SGIP1: variants seen among roughly 807,000 people sequenced by gnomAD.
SGIP1 encodes SH3-containing GRB2-like protein 3-interacting protein 1.
SGIP1 carries 38 observed loss-of-function variants against 107.5 expected under a neutral mutation model. That is an observed-to-expected ratio of 0.35 (90% CI 0.27 to 0.46). The LOEUF is 0.46. Ranked by LOEUF, SGIP1 falls within the 20% of genes least tolerant of loss-of-function variation. The pLI is 1.00. For synonymous variants in SGIP1, 365 were observed against 366.1 expected, an observed-to-expected ratio of 1.00 and a Z score of 0.03; for missense variants, 929 against 1,019.5, an observed-to-expected ratio of 0.91 and a Z score of 1.21.
chr1:66,534,057 C>A, upstream of SGIP1: 1 of 496,520 alleles, frequency 2.0e-6, no homozygotes, highest in Non-Finnish European at 3.6e-6. Context: ...TGCAGGCTGG[C>A]TACCATGTGA....
At chr1:66,557,213 G>A (rs1041838407) in intron 1 of SGIP1, among the ~76,000 whole-genome samples, 1 of 152,064 alleles carries the variant, frequency 6.6e-6, no homozygotes, top group African/African-American at 2.4e-5. Context: ...CCAATGTCAA[G>A]GGTGAACTCT....
At chr1:66,668,598 A>G (rs6703606) in intron 9 of SGIP1, among the ~76,000 whole-genome samples, 11,707 of 152,102 alleles carry the variant, frequency 0.077, 471 homozygotes, top group South Asian at 0.098. Flanking sequence ...TGAAGACAAC[A>G]CTCTCTGAAA....
chr1:66,576,600 A>T (rs1030114926), intron 1 of SGIP1, among the ~76,000 whole-genome samples: 1 of 152,186 alleles, frequency 6.6e-6, no homozygotes, highest in Non-Finnish European at 1.5e-5. Context: ...ATTAATACAT[A>T]TCTCAAGATC....
At position 66,706,346 on chromosome 1, in the gene SGIP1, TA is replaced by T. The variant is rs913084930; in HGVS notation, c.1630+10856del. Among the ~76,000 whole-genome samples, 102 of 145,378 alleles carry T rather than the reference TA, an allele frequency of 7.0e-4. 1 individual carries two copies. Among genetic ancestry groups the T allele is most frequent in the East Asian group, 4.5e-3 (23 of 5,062 alleles). On this transcript the variant is annotated intron_variant, in intron 18 of 24. Transcript: ENST00000371037. ...TATATATTATATAATATGTAAAATA[TA>T]AATAAATATTTATACTATAAAATAT... is the stretch of plus-strand genomic sequence containing the variant.
At chr1:66,630,065 G>T (rs983345119) in intron 2 of SGIP1, among the ~76,000 whole-genome samples, 3 of 152,106 alleles carry the variant, frequency 2.0e-5, no homozygotes, top group African/African-American at 7.2e-5. Context: ...ACTGGAGCCG[G>T]TGCCCTTAGC....
rs987723355 is a variant in SGIP1 at position 66,746,769 on chromosome 1, A to T, written c.*3674A>T. The stretch of plus-strand genomic sequence containing the variant: ...CGCCTTAATTGCTTTGTCCACCCTG[A>T]ACAAAACAATCTGTTTTATGTCACT... On this transcript the variant is annotated 3_prime_UTR_variant, in exon 25 of 25. Coordinates refer to ENST00000371037, the MANE Select transcript of SGIP1 (RefSeq NM_032291.4). 2.0e-5 allele frequency: 3 copies of T among 152,118 alleles called. No homozygotes were observed. The highest frequency in any genetic ancestry group is 7.2e-5 in the African/African-American group (3 of 41,450). The allele number at this position is 152,118 out of a possible 1,614,324, so 9.4% of individuals were successfully genotyped here.
At chr1:66,550,236 A>ATGGTTTATTTTTATGGTTTATTTTATTT in intron 1 of SGIP1, among the ~76,000 whole-genome samples, 1 of 151,994 alleles carries the variant, frequency 6.6e-6, no homozygotes, top group Non-Finnish European at 1.5e-5. Flanking sequence ...TTTATTTTTT[A>ATGGTTTATTTTTATGGTTTATTTTATTT]TATTGTCAGT....
In SGIP1 at chr1:66,746,882, A is replaced by G. The variant is rs1375972014; in HGVS notation, c.*3787A>G. The stretch of plus-strand genomic sequence containing the variant: ...ATAATTCCAATAACAAAACTGTCAA[A>G]AAAGAATCACTGCTTCTCAAAATAT... On this transcript the variant is annotated 3_prime_UTR_variant, in exon 25 of 25. Transcript: ENST00000371037. The G allele has an allele frequency of 6.6e-6, 1 of 152,116 alleles. No homozygotes were observed. Among genetic ancestry groups the G allele is most frequent in the Non-Finnish European group, 1.5e-5 (1 of 67,958 alleles). 9.4% of individuals were successfully genotyped at this position (152,116 alleles called of 1,614,324 possible). A position where few individuals can be genotyped will look rare whatever the true frequency, so the allele number is the denominator to read the frequency against.
At chr1:66,696,033 T>A (rs10493414) in intron 18 of SGIP1, among the ~76,000 whole-genome samples, 67,708 of 152,032 alleles carry the variant, frequency 0.45, 15,616 homozygotes, top group East Asian at 0.72. Context: ...AGTAAGTTTG[T>A]TCTGCGTCTC....
chr1:66,659,038 C>T (rs1047583000), intron 7 of SGIP1, among the ~76,000 whole-genome samples: 2 of 152,042 alleles, frequency 1.3e-5, no homozygotes, highest in Non-Finnish European at 2.9e-5. Context: ...AGAAAGCCAA[C>T]GGAGGACGAT....
At chr1:66,635,033 T>A (rs926530803) in intron 3 of SGIP1, among the ~76,000 whole-genome samples, 2 of 152,248 alleles carry the variant, frequency 1.3e-5, no homozygotes, top group African/African-American at 4.8e-5. Context: ...ATGTCAAGTG[T>A]TGAAATGTGT....
At chr1:66,674,381 T>C (rs1027246280) in intron 12 of SGIP1, among the ~76,000 whole-genome samples, 4 of 152,224 alleles carry the variant, frequency 2.6e-5, no homozygotes, top group Admixed American at 6.5e-5. Flanking sequence ...AATGTGTTTA[T>C]GTCTAATGCA....
At chr1:66,676,974 A>T (rs748154198) in intron 12 of SGIP1, 30 bp from the exon 13 acceptor site, 21 of 1,562,360 alleles carry the variant, frequency 1.3e-5, no homozygotes, top group Non-Finnish European at 1.4e-5. Flanking sequence ...TTTTTAACTC[A>T]CCCTGGGAAA....
intron 12 of SGIP1, 130 bp from the exon 13 acceptor site, chr1:66,676,874 A>C: frequency 1.5e-6 from 1 of 676,308 alleles, no homozygotes; most frequent in Non-Finnish European, 2.5e-6. Context: ...CACATTCCTA[A>C]GTTAATTTTT....
intron 9 of SGIP1, 124 bp downstream of exon 9, chr1:66,667,665 G>A: frequency 1.2e-6 from 1 of 845,896 alleles, no homozygotes; most frequent in South Asian, 1.4e-5. Flanking sequence ...GATGAAATAG[G>A]TTTACTGATT....
chr1:66,695,255 T>TAAA (rs570067011), intron 17 of SGIP1, 179 bp from the exon 18 acceptor site: 138,295 of 922,492 alleles, frequency 0.15, 4,257 homozygotes, highest in South Asian at 0.19. Flanking sequence ...TTTCCTGAAC[T>TAAA]AAAAAAAAAA....
intron 1 of SGIP1, among the ~76,000 whole-genome samples, chr1:66,597,461 T>C (rs1416965432): frequency 6.6e-6 from 1 of 152,236 alleles, no homozygotes; most frequent in Non-Finnish European, 1.5e-5. Flanking sequence ...GATCTGGTGC[T>C]TTTGTCCCCT....
chr1:66,582,836 C>T (rs535121389), intron 1 of SGIP1, among the ~76,000 whole-genome samples: 2 of 151,302 alleles, frequency 1.3e-5, no homozygotes, highest in African/African-American at 4.9e-5. Flanking sequence ...ATAAATTAGC[C>T]CCAGATTCTC....
intron 1 of SGIP1, among the ~76,000 whole-genome samples, chr1:66,600,535 G>A (rs1374555773): frequency 6.6e-6 from 1 of 152,184 alleles, no homozygotes; most frequent in Non-Finnish European, 1.5e-5. Flanking sequence ...GTTTTATCCC[G>A]AAGCACAAGT....
Sources: gnomAD v4.1 joint callset for allele counts (sites outside exome capture counted in the v4.1 genomes callset) on GRCh38, gnomAD v4.1.1 for gene constraint, MANE v1.5 for transcripts, NCBI Gene and HGNC (gene_info 2026-07-23, HGNC 2026-07-21) for gene names.